ZFPM2: variants seen among roughly 807,000 people sequenced by gnomAD.
ZFPM2 encodes zinc finger protein ZFPM2.
In ZFPM2, 20 loss-of-function variants were observed where a neutral mutation model predicts 98.6. The observed-to-expected ratio is 0.20, with a 90% CI of 0.14 to 0.29. The LOEUF (loss-of-function observed/expected upper bound fraction) is 0.29, where lower values mean the gene tolerates loss of function less well. Ranked by LOEUF, ZFPM2 falls within the 10% of genes least tolerant of loss-of-function variation. The pLI, the probability that ZFPM2 is intolerant of heterozygous loss-of-function variation, is 1.00. For missense variants in ZFPM2, 1,310 were observed against 1,388.6 expected, an observed-to-expected ratio of 0.94 and a Z score of 0.90; for synonymous variants, 518 against 502.7, an observed-to-expected ratio of 1.03 and a Z score of -0.41.
chr8:105,769,406 G>A (rs1812933047), intron 5 of ZFPM2, among the ~76,000 whole-genome samples: 1 of 151,976 alleles, frequency 6.6e-6, no homozygotes, highest in Non-Finnish European at 1.5e-5. Context: ...TCTGGGCCAT[G>A]GCCAACTTCC....
At chr8:105,456,154 TTG>T (rs797011599) in intron 3 of ZFPM2, among the ~76,000 whole-genome samples, 4,859 of 108,436 alleles carry the variant, frequency 0.045, 291 homozygotes, top group African/African-American at 0.15. Flanking sequence ...ATGTTTTTTT[TTG>T]TTTGTTTGTT....
At chr8:105,468,173 G>C (rs1327465130) in intron 3 of ZFPM2, among the ~76,000 whole-genome samples, 1 of 151,416 alleles carries the variant, frequency 6.6e-6, no homozygotes, top group Non-Finnish European at 1.5e-5. Context: ...ATTCAACCAA[G>C]AACATTTTTC....
chr8:105,392,494 C>T (rs1051744832), intron 1 of ZFPM2, among the ~76,000 whole-genome samples: 3 of 152,116 alleles, frequency 2.0e-5, no homozygotes, highest in African/African-American at 7.2e-5. Flanking sequence ...AAAATGTCAC[C>T]TTCCTTTGTC....
intron 5 of ZFPM2, among the ~76,000 whole-genome samples, chr8:105,683,309 C>G (rs1810652777): frequency 6.6e-6 from 1 of 152,124 alleles, no homozygotes; most frequent in Admixed American, 6.6e-5. Flanking sequence ...CAGTGGTTTT[C>G]TGGTTTTCCA....
chr8:105,431,226 T>C (rs564896771), intron 2 of ZFPM2, among the ~76,000 whole-genome samples: 4 of 152,172 alleles, frequency 2.6e-5, no homozygotes, highest in Non-Finnish European at 5.9e-5. Context: ...ATTTTTATGA[T>C]GTGGTCCATG....
intron 3 of ZFPM2, among the ~76,000 whole-genome samples, chr8:105,500,117 T>G (rs1401058041): frequency 6.6e-6 from 1 of 152,198 alleles, no homozygotes; most frequent in Non-Finnish European, 1.5e-5. Context: ...TTCTGTACAT[T>G]AGTGGCTAAA....
chr8:105,740,024 G>T (rs1812176701), intron 5 of ZFPM2, among the ~76,000 whole-genome samples: 2 of 151,872 alleles, frequency 1.3e-5, no homozygotes, highest in Admixed American at 6.6e-5. Context: ...TGACAGTCAG[G>T]CTAATGGGAC....
chr8:105,543,166 A>G (rs1292731327), intron 3 of ZFPM2, among the ~76,000 whole-genome samples: 1 of 152,178 alleles, frequency 6.6e-6, no homozygotes, highest in Admixed American at 6.6e-5. Context: ...CGTCTGAAGA[A>G]TTTACCTCTA....
At chr8:105,787,218 G>C (rs774555853) in intron 5 of ZFPM2, 9 of 152,130 alleles carry the variant, frequency 5.9e-5, no homozygotes, top group Non-Finnish European at 1.0e-4. Flanking sequence ...ATATGGTTTA[G>C]CTTCTATTAT....
chr8:105,623,604 C>T (rs1390770037), intron 4 of ZFPM2, among the ~76,000 whole-genome samples: 4 of 152,172 alleles, frequency 2.6e-5, no homozygotes, highest in African/African-American at 9.6e-5. Context: ...AGATTCATTA[C>T]ATATTTCAGT....
chr8:105,449,684 C>A (rs1812447490), intron 3 of ZFPM2, among the ~76,000 whole-genome samples: 1 of 151,896 alleles, frequency 6.6e-6, no homozygotes, highest in African/African-American at 2.4e-5. Context: ...TGCCACTTAC[C>A]AATTTTGTGA....
intron 3 of ZFPM2, among the ~76,000 whole-genome samples, chr8:105,536,930 C>T (rs888834079): frequency 1.3e-5 from 2 of 152,096 alleles, no homozygotes; most frequent in African/African-American, 4.8e-5. Context: ...TTCTTGCTAC[C>T]TTGTGATTAT....
At position 105,380,686 on chromosome 8, in the gene ZFPM2, A is replaced by G. The variant is rs192469546; in HGVS notation, c.41-38458A>G. Reference sequence around the variant, plus strand: ...TATATAACATATATATTATATATATATTATATATAACATATATAATATATA... The same window carrying G: ...TATATAACATATATATTATATATATGTTATATATAACATATATAATATATA... On this transcript the variant is annotated intron_variant, in intron 1 of 7. Coordinates refer to ENST00000407775, the MANE Select transcript of ZFPM2 (RefSeq NM_012082.4). Among the ~76,000 whole-genome samples, 96 of 17,258 alleles carry G rather than the reference A, an allele frequency of 5.6e-3. 11 individuals carry two copies. The highest frequency in any genetic ancestry group is 9.2e-3 in the South Asian group (6 of 654). 11.3% of individuals were successfully genotyped at this position (17,258 alleles called of 152,430 possible).
intron 1 of ZFPM2, among the ~76,000 whole-genome samples, chr8:105,322,233 A>C (rs1812040164): frequency 6.6e-6 from 1 of 151,994 alleles, no homozygotes; most frequent in Non-Finnish European, 1.5e-5. Flanking sequence ...ATTGTTCTCC[A>C]TTCTGGGGCT....
chr8:105,391,679 A>C (rs887674659), intron 1 of ZFPM2, among the ~76,000 whole-genome samples: 4 of 152,208 alleles, frequency 2.6e-5, no homozygotes, highest in African/African-American at 9.6e-5. Context: ...TTTTGTGCTC[A>C]TCTTTAAGAA....
At chr8:105,758,960 A>C (rs1270597175) in intron 5 of ZFPM2, among the ~76,000 whole-genome samples, 1 of 152,100 alleles carries the variant, frequency 6.6e-6, no homozygotes, top group Admixed American at 6.6e-5. Flanking sequence ...ACTCCCTTCC[A>C]AAGACATTTT....
At chr8:105,641,300 G>A (rs1365637425) in intron 5 of ZFPM2, among the ~76,000 whole-genome samples, 2 of 151,980 alleles carry the variant, frequency 1.3e-5, no homozygotes, top group Non-Finnish European at 2.9e-5. Context: ...AATGATGGTG[G>A]TATAACAGTA....
At chr8:105,669,592 G>A in intron 5 of ZFPM2, among the ~76,000 whole-genome samples, 1 of 151,304 alleles carries the variant, frequency 6.6e-6, no homozygotes. Context: ...GTAAAAATCT[G>A]GTTGAATCCA....
At chr8:105,483,857 C>G (rs779560578) in intron 3 of ZFPM2, among the ~76,000 whole-genome samples, 6 of 151,450 alleles carry the variant, frequency 4.0e-5, no homozygotes, top group Non-Finnish European at 7.4e-5. Flanking sequence ...CCTCAGCCTC[C>G]CGAGTAGCTG....
Sources: gnomAD v4.1 joint callset for allele counts (sites outside exome capture counted in the v4.1 genomes callset) on GRCh38, gnomAD v4.1.1 for gene constraint, MANE v1.5 for transcripts, NCBI Gene and HGNC (gene_info 2026-07-23, HGNC 2026-07-21) for gene names.